The following GPHN variants were observed in gnomAD, a reference collection of about 807,000 sequenced individuals.
The protein encoded by GPHN is gephyrin.
Under a neutral mutation model 95.5 loss-of-function variants are expected in GPHN, and 17 were observed. That is an observed-to-expected ratio of 0.18 (90% confidence interval 0.12 to 0.27). The LOEUF is 0.27. Ranked by LOEUF, GPHN falls within the 10% of genes least tolerant of loss-of-function variation. The pLI is 1.00. For missense variants in GPHN, 660 were observed against 978.1 expected, an observed-to-expected ratio of 0.67 and a Z score of 4.34; for synonymous variants, 320 against 322.5, an observed-to-expected ratio of 0.99 and a Z score of 0.08.
chr14:67,586,412 T>C, the GPHN span: 1 of 1,338,212 alleles, frequency 7.5e-7, no homozygotes, highest in Non-Finnish European at 9.8e-7. Context: ...CGTGCTCTTC[T>C]CTTCCTTGCA....
At chr14:67,460,433 A>T in the GPHN span, among the ~76,000 whole-genome samples, 3 of 152,174 alleles carry the variant, frequency 2.0e-5, no homozygotes, top group Non-Finnish European at 4.4e-5. Context: ...TGCCAGGCGC[A>T]GTGGCTCACA....
chr14:67,601,424 G>C, the GPHN span, among the ~76,000 whole-genome samples: 1 of 152,194 alleles, frequency 6.6e-6, no homozygotes, highest in Non-Finnish European at 1.5e-5. Flanking sequence ...CACTGCCTGG[G>C]AGTTCTGTCT....
At chr14:66,802,596 A>G (rs1015300684) in intron 3 of GPHN, among the ~76,000 whole-genome samples, 15 of 152,180 alleles carry the variant, frequency 9.9e-5, no homozygotes, top group African/African-American at 3.6e-4. Flanking sequence ...AAGTCTCACC[A>G]TCTCACCCAA....
chr14:67,360,349 G>A, the GPHN span: 1 of 397,606 alleles, frequency 2.5e-6, no homozygotes, highest in Non-Finnish European at 4.4e-6. Context: ...AGTGAGCGAA[G>A]CGCACGCTGA....
At position 67,165,214 on chromosome 14, in the gene GPHN, T is replaced by G; in HGVS notation, c.1963T>G (p.Phe655Val). ...LDIDGVRKII[F>V]ALPGNPVSAV... is the part of the protein sequence containing the mutation. ...TATTGATGGTGTAAGAAAAATAATCTTTGCACTACCTGGTAAGAATAACAA... is the reference window on the plus strand; with the variant it reads ...TATTGATGGTGTAAGAAAAATAATCGTTGCACTACCTGGTAAGAATAACAA... The change falls in exon 20 of 23, where the codon TTT becomes GTT. Residue 655 changes from phenylalanine (F) to valine (V), a missense_variant. Physicochemically the swap from Phe to Val is conservative, Grantham distance 50 (BLOSUM62 -1). Coordinates refer to ENST00000478722, the MANE Select transcript of GPHN (RefSeq NM_020806.5). 3 of 1,602,604 alleles carry G rather than the reference T, an allele frequency of 1.9e-6. No homozygotes were observed. Among genetic ancestry groups the G allele is most frequent in the Non-Finnish European group, 2.6e-6 (3 of 1,169,540 alleles).
At chr14:67,732,914 T>C in the GPHN span, among the ~76,000 whole-genome samples, 2 of 152,218 alleles carry the variant, frequency 1.3e-5, no homozygotes, top group African/African-American at 2.4e-5. Context: ...CAGCACTGCA[T>C]GTTCCGAATG....
the GPHN span, among the ~76,000 whole-genome samples, chr14:67,376,180 G>T: frequency 6.6e-6 from 1 of 152,150 alleles, no homozygotes; most frequent in South Asian, 2.1e-4. Context: ...AGTAAGGAGA[G>T]ATGCTAGTTT....
chr14:67,100,592 G>A (rs910126010), intron 12 of GPHN, among the ~76,000 whole-genome samples: 1 of 152,118 alleles, frequency 6.6e-6, no homozygotes, highest in Non-Finnish European at 1.5e-5. Context: ...GTGACAGGAA[G>A]ACCACCTCCA....
chr14:67,541,777 A>G, the GPHN span: 2 of 1,235,610 alleles, frequency 1.6e-6, no homozygotes, highest in South Asian at 1.6e-5. Context: ...CTTTCCCCAC[A>G]GAACTCTTCC....
At chr14:67,372,512 TA>T in the GPHN span, among the ~76,000 whole-genome samples, 1 of 152,146 alleles carries the variant, frequency 6.6e-6, no homozygotes, top group Non-Finnish European at 1.5e-5. Context: ...CAGCATATTT[TA>T]AAAACTCTTG....
chr14:66,825,040 G>A (rs1426099348), intron 4 of GPHN, among the ~76,000 whole-genome samples: 1 of 152,092 alleles, frequency 6.6e-6, no homozygotes, highest in Non-Finnish European at 1.5e-5. Flanking sequence ...AATGTGAACA[G>A]CATTTAAATG....
the GPHN span, chr14:67,569,885 C>A: frequency 7.3e-7 from 1 of 1,369,050 alleles, no homozygotes; most frequent in Non-Finnish European, 1.0e-6. Flanking sequence ...CTGGGTTATG[C>A]CCTTGAGTAA....
intron 2 of GPHN, among the ~76,000 whole-genome samples, chr14:66,738,705 A>G (rs887136842): frequency 1.6e-4 from 24 of 152,202 alleles, no homozygotes; most frequent in African/African-American, 2.4e-5. Flanking sequence ...ACTTAAATAT[A>G]TAAAAATTCT....
the GPHN span, among the ~76,000 whole-genome samples, chr14:67,273,743 T>C: frequency 6.6e-6 from 1 of 152,226 alleles, no homozygotes; most frequent in African/African-American, 2.4e-5. Flanking sequence ...CCAGCAACAG[T>C]GTAAAAGTGT....
chr14:67,729,228 C>T, the GPHN span: 4 of 1,611,716 alleles, frequency 2.5e-6, no homozygotes, highest in Non-Finnish European at 3.4e-6. Context: ...ACCCAGGCGT[C>T]GTCCGCTCTG....
chr14:67,531,720 C>G, the GPHN span, among the ~76,000 whole-genome samples: 24 of 149,196 alleles, frequency 1.6e-4, no homozygotes, highest in Non-Finnish European at 3.4e-4. Context: ...TTTGAGACCC[C>G]ACCTCTACTA....
the GPHN span, among the ~76,000 whole-genome samples, chr14:67,626,956 A>G: frequency 6.6e-6 from 1 of 152,202 alleles, no homozygotes; most frequent in Non-Finnish European, 1.5e-5. Context: ...AAGTCAAAGA[A>G]GGCAGACACA....
chr14:66,781,925 T>C (rs953875762), intron 3 of GPHN, among the ~76,000 whole-genome samples: 4 of 152,200 alleles, frequency 2.6e-5, no homozygotes, highest in African/African-American at 9.7e-5. Flanking sequence ...ACATGTATTT[T>C]CAACTTTCCT....
intron 2 of GPHN, among the ~76,000 whole-genome samples, chr14:66,773,091 C>T (rs2059241867): frequency 2.0e-5 from 3 of 152,146 alleles, no homozygotes; most frequent in Admixed American, 2.0e-4. Context: ...CCAGAGAAGA[C>T]TGCCGCTGTG....
Sources: gnomAD v4.1 joint callset for allele counts (sites outside exome capture counted in the v4.1 genomes callset) on GRCh38, gnomAD v4.1.1 for gene constraint, MANE v1.5 for transcripts, NCBI Gene and HGNC (gene_info 2026-07-23, HGNC 2026-07-21) for gene names.